RAPH1: variants seen among roughly 807,000 people sequenced by gnomAD.
RAPH1 encodes Ras association (RalGDS/AF-6) and pleckstrin homology domains 1, also known as ras-associated and pleckstrin homology domains-containing protein 1.
RAPH1 carries 18 observed loss-of-function variants against 88.1 expected under a neutral mutation model. The ratio of observed to expected loss-of-function variants is 0.20; its 90% CI spans 0.14 to 0.30. The LOEUF (loss-of-function observed/expected upper bound fraction) is 0.30. Ranked by LOEUF, RAPH1 falls within the 10% of genes least tolerant of loss-of-function variation. The probability of loss-of-function intolerance (pLI) is 1.00; values close to 1 mark genes in which losing one functional copy is unlikely to be tolerated. For synonymous variants in RAPH1, 587 were observed against 559.0 expected, an observed-to-expected ratio of 1.05 and a Z score of -0.71; for missense variants, 1,448 against 1,543.2, an observed-to-expected ratio of 0.94 and a Z score of 1.03.
At chr2:203,472,144 T>C (rs1367817679) in intron 4 of RAPH1, among the ~76,000 whole-genome samples, 1 of 150,448 alleles carries the variant, frequency 6.6e-6, no homozygotes, top group Non-Finnish European at 1.5e-5. Context: ...TTTTTTTTTA[T>C]TTTTTTGAGA....
intron 4 of RAPH1, among the ~76,000 whole-genome samples, chr2:203,471,903 G>C (rs1031298385): frequency 2.0e-5 from 3 of 151,218 alleles, no homozygotes; most frequent in African/African-American, 7.3e-5. Flanking sequence ...ACAATAACAA[G>C]AACATAGAGA....
rs533904491 is a variant in RAPH1 at position 203,437,189 on chromosome 2, C to G, written c.*2248G>C. 6.6e-6 allele frequency: 1 copy of G among 152,134 alleles called. No homozygotes were observed. The highest frequency in any genetic ancestry group is 1.5e-5 in the Non-Finnish European group (1 of 68,024). 9.4% of individuals were successfully genotyped at this position (152,134 alleles called of 1,614,324 possible). ...AAATCCTGCACTGAAAACATAAAGG[C>G]TGTTGTTTTAGGGCTCAAATCATGG... On this transcript the variant is annotated 3_prime_UTR_variant, in exon 14 of 14. Transcript: ENST00000319170.
chr2:203,440,875 G>C lies in RAPH1; in HGVS notation c.2315C>G (p.Pro772Arg), dbSNP rs1269762405. ...TPPPPPPIPA[P>R]LPPQAPPKPL... ...TTTTGGGGGAGCTTGGGGAGGGAGG[G>C]GTGCAGGGATAGGAGGAGGTGGGGG... The change falls in exon 14 of 14, where the codon CCC (proline) becomes CGC (arginine). Residue 772 changes from proline to arginine, a missense_variant. Pro to Arg is a moderately radical substitution (Grantham distance 103). Around this residue, in one of 2 missense-constraint regions of RAPH1, gnomAD observed 935 missense variants for 890.1 expected, o/e 1.05. Coordinates refer to ENST00000319170, the MANE Select transcript of RAPH1 (RefSeq NM_213589.3). 6.8e-7 allele frequency: 1 copy of C among 1,466,218 alleles called. No individual in the cohort carries two copies. The allele number at this position is 1,466,218 out of a possible 1,614,324, so 90.8% of individuals were successfully genotyped here. A position where few individuals can be genotyped will look rare whatever the true frequency, so the allele number is the denominator to read the frequency against.
Position 203,463,354 on chromosome 2 carries a change from C to T in RAPH1, c.733-1429G>A, listed in dbSNP as rs1270133239. Among the ~76,000 whole-genome samples, 3 of 152,140 alleles carry T rather than the reference C, an allele frequency of 2.0e-5. No individual in the cohort carries two copies. In the East Asian group the frequency reaches 5.8e-4, roughly 29 times the overall value. On this transcript the variant is annotated intron_variant, in intron 4 of 13. Transcript: ENST00000319170. The stretch of plus-strand genomic sequence containing the variant: ...TATGTTATTCATTAAAAAGCTAAAG[C>T]TTCCAGGGCAAAAAACAAAAAGAGA...
intron 7 of RAPH1, among the ~76,000 whole-genome samples, chr2:203,459,266 G>T (rs2098522454): frequency 6.6e-6 from 1 of 152,174 alleles, no homozygotes; most frequent in Non-Finnish European, 1.5e-5. Context: ...TCATGGTTAT[G>T]CCATTTGAAG....
At chr2:203,513,351 C>CTT (rs35194583) in intron 1 of RAPH1, among the ~76,000 whole-genome samples, 6,034 of 86,900 alleles carry the variant, frequency 0.069, 842 homozygotes, top group African/African-American at 0.22. Context: ...TTCTCTCAAT[C>CTT]TTTTTTTTTT....
At chr2:203,516,982 C>T (rs947266711) in intron 1 of RAPH1, among the ~76,000 whole-genome samples, 16 of 150,576 alleles carry the variant, frequency 1.1e-4, no homozygotes, top group African/African-American at 2.9e-4. Context: ...TGCAGTGAGC[C>T]GACATCGCGT....
intron 4 of RAPH1, among the ~76,000 whole-genome samples, chr2:203,483,393 T>C (rs2264903): frequency 6.6e-6 from 1 of 151,944 alleles, no homozygotes; most frequent in South Asian, 2.1e-4. Flanking sequence ...TGCTGCTGGA[T>C]TGAAAGGGAG....
At chr2:203,459,282 C>T (rs995223602) in intron 7 of RAPH1, among the ~76,000 whole-genome samples, 4 of 152,200 alleles carry the variant, frequency 2.6e-5, no homozygotes, top group African/African-American at 7.2e-5. Context: ...TGAAGCATAA[C>T]TATGCAATAT....
At chr2:203,509,571 T>C (rs1689244009) in intron 1 of RAPH1, among the ~76,000 whole-genome samples, 1 of 152,200 alleles carries the variant, frequency 6.6e-6, no homozygotes, top group African/African-American at 2.4e-5. Flanking sequence ...AGTAAAACAG[T>C]AAATCACTTC....
At chr2:203,518,619 G>A (rs1487794375) in intron 1 of RAPH1, among the ~76,000 whole-genome samples, 1 of 151,780 alleles carries the variant, frequency 6.6e-6, no homozygotes, top group African/African-American at 2.4e-5. Flanking sequence ...GGCCAAGCGG[G>A]AGGATTGCTT....
chr2:203,494,289 AAATTT>A (rs1276915039), intron 2 of RAPH1, among the ~76,000 whole-genome samples: 8 of 152,182 alleles, frequency 5.3e-5, no homozygotes, highest in Non-Finnish European at 1.0e-4. Context: ...CCATGAAGTT[AAATTT>A]ATTTAATAAA....
intron 2 of RAPH1, among the ~76,000 whole-genome samples, chr2:203,492,820 C>T (rs1210406182): frequency 2.7e-5 from 4 of 150,600 alleles, no homozygotes; most frequent in Middle Eastern, 3.4e-3. Context: ...TGCCCAGACA[C>T]GAACTCTTAA....
In RAPH1 at chr2:203,489,706, T is replaced by C. The variant is rs1688158065; in HGVS notation, c.610A>G (p.Ile204Val). The change falls in exon 4 of 14, where the codon ATT (isoleucine) becomes GTT (valine). Residue 204 changes from isoleucine (I) to valine (V), a missense_variant. Coordinates refer to ENST00000319170, the MANE Select transcript of RAPH1 (RefSeq NM_213589.3). Reference sequence around the variant, plus strand: ...ATGCTGGAATGGGAGGAATTACTAATAGAGTGTACTTCAGCATCACTCACT... The same window carrying C: ...ATGCTGGAATGGGAGGAATTACTAACAGAGTGTACTTCAGCATCACTCACT... The part of the protein sequence containing the change: ...GTVSDAEVHS[I>V]SNSSHSSITS... The C allele has an allele frequency of 5.6e-6, 9 of 1,614,182 alleles. No individual in the cohort carries two copies. The highest frequency in any genetic ancestry group is 7.6e-6 in the Non-Finnish European group (9 of 1,180,026).
At chr2:203,456,080 T>C (rs1174442964) in intron 8 of RAPH1, among the ~76,000 whole-genome samples, 1 of 152,136 alleles carries the variant, frequency 6.6e-6, no homozygotes, top group African/African-American at 2.4e-5. Context: ...ACAATATGAA[T>C]TTGGAACTAC....
intron 4 of RAPH1, among the ~76,000 whole-genome samples, chr2:203,478,036 GT>G (rs71408938): frequency 0.1 from 14,510 of 140,164 alleles, 1,237 homozygotes; most frequent in African/African-American, 0.26. Context: ...ATAACTTTTT[GT>G]TTTTTTTTTT....
At position 203,448,929 on chromosome 2, in the gene RAPH1, A is replaced by T. The variant is rs2098512351; in HGVS notation, c.1414-93T>A. 1 of 710,482 alleles carries T rather than the reference A, an allele frequency of 1.4e-6. No individual in the cohort carries two copies. The highest frequency in any genetic ancestry group is 2.3e-6 in the Non-Finnish European group (1 of 437,604). The allele number at this position is 710,482 out of a possible 1,614,324, so 44.0% of individuals were successfully genotyped here. The stretch of plus-strand genomic sequence containing the variant: ...GCTTAAACATATCCTGACAAGTTAT[A>T]GGCCATTAGAGTAATGGCCAATACA... On this transcript the variant is annotated intron_variant, in intron 10 of 13. Transcript: ENST00000319170. The surrounding 1 kb of genome is among the most constrained non-coding windows in gnomAD (Gnocchi z 4.1).
chr2:203,452,592 G>T (rs2098515828), intron 10 of RAPH1, among the ~76,000 whole-genome samples: 1 of 152,074 alleles, frequency 6.6e-6, no homozygotes, highest in African/African-American at 2.4e-5. Context: ...GACCCTAAGA[G>T]TATGAAGTGA....
At position 203,437,685 on chromosome 2, in the gene RAPH1, G is replaced by T. The variant is rs2098499599; in HGVS notation, c.*1752C>A. On this transcript the variant is annotated 3_prime_UTR_variant, in exon 14 of 14. Coordinates refer to ENST00000319170, the MANE Select transcript of RAPH1 (RefSeq NM_213589.3). ...TCTCTGTTTACGATGCGGTTTTCGT[G>T]GAGTGTGGGTTATGCAAGACCTTGA... The T allele has an allele frequency of 6.5e-6, 1 of 153,546 alleles. No individual in the cohort carries two copies. The highest frequency in any genetic ancestry group is 2.4e-5 in the African/African-American group (1 of 41,426). The allele number at this position is 153,546 out of a possible 1,614,324, so 9.5% of individuals were successfully genotyped here.
Sources: gnomAD v4.1 joint callset for allele counts (sites outside exome capture counted in the v4.1 genomes callset) on GRCh38, gnomAD v4.1.1 for gene constraint, gnomAD v4.1.1 regional missense constraint, Gnocchi (gnomAD v3.1) non-coding constraint, MANE v1.5 for transcripts, NCBI Gene and HGNC (gene_info 2026-07-23, HGNC 2026-07-21) for gene names.